The following DOCK7 variants were observed in gnomAD, a reference collection of about 807,000 sequenced individuals.
DOCK7 encodes the protein dedicator of cytokinesis 7, also known as dedicator of cytokinesis protein 7.
A neutral mutation model predicts 271.0 loss-of-function variants in DOCK7; 138 were observed. That is an observed-to-expected ratio of 0.51 (90% CI 0.44 to 0.59). The LOEUF (loss-of-function observed/expected upper bound fraction) is 0.59. Ranked by LOEUF, DOCK7 falls within the 20% of genes least tolerant of loss-of-function variation. The pLI is 0.00. For missense variants in DOCK7, 2,066 were observed against 2,592.4 expected (o/e 0.80, Z 4.41); for synonymous variants, 823 against 876.1 (o/e 0.94, Z 1.07).
At chr1:62,574,931 A>G (rs1481251886) in intron 18 of DOCK7, among the ~76,000 whole-genome samples, 1 of 151,922 alleles carries the variant, frequency 6.6e-6, no homozygotes, top group African/African-American at 2.4e-5. Context: ...GAGTTTTGCC[A>G]TGTTAGCCCT....
chr1:62,471,482 C>A (rs577155715), intron 48 of DOCK7, among the ~76,000 whole-genome samples: 1 of 152,202 alleles, frequency 6.6e-6, no homozygotes, highest in East Asian at 1.9e-4. Context: ...GGCAACATAG[C>A]GAGACTTCAT....
intron 29 of DOCK7, among the ~76,000 whole-genome samples, chr1:62,530,292 T>G (rs1376267546): frequency 1.3e-5 from 2 of 152,210 alleles, no homozygotes; most frequent in African/African-American, 2.4e-5. Context: ...TCCATCTTTA[T>G]AGCTCACAAA....
chr1:62,533,448 A>G (rs187731873), intron 29 of DOCK7, among the ~76,000 whole-genome samples: 1 of 137,408 alleles, frequency 7.3e-6, no homozygotes, highest in Non-Finnish European at 1.6e-5. Context: ...TATTTTTTTT[A>G]ATGACATCAC....
intron 33 of DOCK7, chr1:62,511,080 G>A (rs11207976): frequency 0.39 from 60,046 of 153,828 alleles, 12,620 homozygotes; most frequent in African/African-American, 0.55. Flanking sequence ...CCTGTGCAAT[G>A]GTTGTTGTTC....
chr1:62,594,601 C>G (rs1648946656), intron 14 of DOCK7, among the ~76,000 whole-genome samples: 1 of 152,018 alleles, frequency 6.6e-6, no homozygotes, highest in Admixed American at 6.6e-5. Flanking sequence ...CTTCAAATTC[C>G]CTTCTCTAAA....
At chr1:62,570,585 C>T (rs1468983492) in intron 18 of DOCK7, among the ~76,000 whole-genome samples, 1 of 152,074 alleles carries the variant, frequency 6.6e-6, no homozygotes, top group Non-Finnish European at 1.5e-5. Flanking sequence ...CAAAAAAAGG[C>T]CCATACAGCC....
intron 31 of DOCK7, among the ~76,000 whole-genome samples, chr1:62,522,596 G>A (rs1226896276): frequency 2.0e-5 from 3 of 151,892 alleles, no homozygotes; most frequent in African/African-American, 7.3e-5. Flanking sequence ...ATATGTTTAA[G>A]AATGAAATGT....
At chr1:62,548,635 G>A (rs1251773574) in intron 22 of DOCK7, among the ~76,000 whole-genome samples, 2 of 152,050 alleles carry the variant, frequency 1.3e-5, no homozygotes, top group Non-Finnish European at 2.9e-5. Flanking sequence ...TGGTCAGGCT[G>A]GTCTCGAACT....
At chr1:62,487,208 A>G in intron 43 of DOCK7, 190 bp downstream of exon 43, 1 of 524,734 alleles carries the variant, frequency 1.9e-6, no homozygotes, top group East Asian at 3.0e-5. Context: ...TGCACTGCCT[A>G]CGACCTCATA....
At chr1:62,601,042 C>G in intron 14 of DOCK7, 1 of 1,151,560 alleles carries the variant, frequency 8.7e-7, no homozygotes, top group South Asian at 1.2e-5. Flanking sequence ...ATTGTATATT[C>G]AGTATCATTT....
At chr1:62,571,700 C>T (rs1393551766) in intron 18 of DOCK7, among the ~76,000 whole-genome samples, 1 of 152,136 alleles carries the variant, frequency 6.6e-6, no homozygotes, top group Admixed American at 6.5e-5. Context: ...GGTACATATA[C>T]ACCGTGGAAT....
At chr1:62,554,135 T>C (rs1375148308) in intron 21 of DOCK7, among the ~76,000 whole-genome samples, 1 of 152,152 alleles carries the variant, frequency 6.6e-6, no homozygotes, top group African/African-American at 2.4e-5. Flanking sequence ...CTTTATGATA[T>C]ACATACAAAA....
chr1:62,469,627 A>G (rs1037351316), intron 48 of DOCK7, among the ~76,000 whole-genome samples: 3 of 152,226 alleles, frequency 2.0e-5, no homozygotes, highest in Non-Finnish European at 2.9e-5. Context: ...GTAAACAGAC[A>G]ACCCACAGAG....
At position 62,688,210 on chromosome 1, in the gene DOCK7, C is replaced by A; in HGVS notation, c.38+17G>T. The A allele has an allele frequency of 1.5e-6, 2 of 1,378,180 alleles. No individual in the cohort carries two copies. Among genetic ancestry groups the A allele is most frequent in the South Asian group, 1.6e-5 (1 of 62,262 alleles). 85.4% of individuals were successfully genotyped at this position (1,378,180 alleles called of 1,614,324 possible). A position where few individuals can be genotyped will look rare whatever the true frequency, so the allele number is the denominator to read the frequency against. On this transcript the variant is annotated intron_variant, in intron 1 of 49. Transcript: ENST00000635253. ...TCTCGGGCGGCGGCGGCGGCGCGCC[C>A]CACGCCGGATATTTACCTGCTGATC...
intron 22 of DOCK7, 148 bp downstream of exon 22, chr1:62,552,584 T>C: frequency 2.8e-6 from 2 of 722,798 alleles, no homozygotes; most frequent in Non-Finnish European, 4.0e-6. Context: ...AATAAAACAG[T>C]GTTTACTGAT....
At position 62,602,526 on chromosome 1, in the gene DOCK7, ATT is replaced by A. The variant is rs906038416; in HGVS notation, c.1683-15904_1683-15903del. 5.8e-6 allele frequency: 4 copies of A among 690,564 alleles called. No homozygotes were observed. The African/African-American group carries it at 7.1e-5, about 12-fold the overall frequency. The allele number at this position is 690,564 out of a possible 1,614,324, so 42.8% of individuals were successfully genotyped here. A position where few individuals can be genotyped will look rare whatever the true frequency, so the allele number is the denominator to read the frequency against. ...ATAATTTATTATCAAACAATTACAC[ATT>A]TGTTAGTAAATTACACTTATTACAA... On this transcript the variant is annotated intron_variant, in intron 14 of 49. Transcript: ENST00000635253.
At chr1:62,579,202 C>T (rs1647035686) in intron 16 of DOCK7, among the ~76,000 whole-genome samples, 1 of 152,090 alleles carries the variant, frequency 6.6e-6, no homozygotes, top group African/African-American at 2.4e-5. Flanking sequence ...AGTAATCCTA[C>T]TATTTAAAAG....
At chr1:62,598,170 CT>C (rs1178574509) in intron 14 of DOCK7, 81 of 1,046,628 alleles carry the variant, frequency 7.7e-5, no homozygotes, top group South Asian at 1.1e-4. Context: ...TGTTGAAATA[CT>C]TTTTTTTCCA....
chr1:62,639,682 G>C (rs1291639618), intron 7 of DOCK7, among the ~76,000 whole-genome samples: 1 of 151,752 alleles, frequency 6.6e-6, no homozygotes, highest in Non-Finnish European at 1.5e-5. Context: ...ACCTGCCTCG[G>C]CCTCCCAAAG....
Sources: allele counts gnomAD v4.1 joint callset (sites outside exome capture counted in the v4.1 genomes callset), GRCh38; gene constraint gnomAD v4.1.1; transcripts MANE v1.5; gene names NCBI Gene and HGNC (gene_info 2026-07-23, HGNC 2026-07-21).